Variants in CPNE8 observed in about 807,000 individuals in gnomAD.
The protein encoded by CPNE8 is copine-8.
A neutral mutation model predicts 81.5 loss-of-function variants in CPNE8; 45 were observed. The observed-to-expected ratio is 0.55, with a 90% CI of 0.44 to 0.71. The LOEUF (loss-of-function observed/expected upper bound fraction) is 0.71. Ranked by LOEUF, CPNE8 falls within the 30% of genes least tolerant of loss-of-function variation. The probability of loss-of-function intolerance (pLI) is 0.00; values close to 1 mark genes in which losing one functional copy is unlikely to be tolerated. For synonymous variants in CPNE8, 252 were observed against 226.3 expected (o/e 1.11, Z -1.02); for missense variants, 594 against 672.1 (o/e 0.88, Z 1.28).
chr12:38,844,164 T>C (rs765220326), intron 4 of CPNE8, among the ~76,000 whole-genome samples: 2 of 152,214 alleles, frequency 1.3e-5, no homozygotes, highest in Non-Finnish European at 2.9e-5. Context: ...TACCATTTTA[T>C]TTATCAAGAA....
chr12:38,884,154 C>T (rs1453651204), intron 1 of CPNE8, among the ~76,000 whole-genome samples: 1 of 152,132 alleles, frequency 6.6e-6, no homozygotes, highest in Non-Finnish European at 1.5e-5. Context: ...TTCCTCTCTC[C>T]TCCCACCAAA....
chr12:38,788,392 T>C (rs1245002240), intron 6 of CPNE8, among the ~76,000 whole-genome samples: 3 of 151,874 alleles, frequency 2.0e-5, no homozygotes, highest in Non-Finnish European at 4.4e-5. Flanking sequence ...GAAAAACCAT[T>C]TGATCAAATT....
At chr12:38,902,155 GAAGAA>G (rs1035046155) in intron 1 of CPNE8, among the ~76,000 whole-genome samples, 2 of 125,652 alleles carry the variant, frequency 1.6e-5, no homozygotes, top group Non-Finnish European at 3.4e-5. Flanking sequence ...GAAAGGAAAT[GAAGAA>G]AAGAAAAGGA....
At chr12:38,705,711 T>C (rs540347849) in intron 13 of CPNE8, among the ~76,000 whole-genome samples, 20 of 152,218 alleles carry the variant, frequency 1.3e-4, no homozygotes, top group Admixed American at 5.2e-4. Context: ...CTGTGATACA[T>C]GGCAGTAAGG....
At chr12:38,805,991 T>G (rs1942792130) in intron 6 of CPNE8, among the ~76,000 whole-genome samples, 1 of 150,098 alleles carries the variant, frequency 6.7e-6, no homozygotes, top group Non-Finnish European at 1.5e-5. Context: ...GCAAATAAAC[T>G]AGAAAATCTA....
intron 5 of CPNE8, among the ~76,000 whole-genome samples, chr12:38,831,259 C>T (rs1374337476): frequency 1.3e-5 from 2 of 152,096 alleles, no homozygotes; most frequent in African/African-American, 2.4e-5. Flanking sequence ...CCAGAGAGGG[C>T]CCTCATGACC....
intron 10 of CPNE8, among the ~76,000 whole-genome samples, chr12:38,746,369 T>C (rs1020409517): frequency 1.3e-5 from 2 of 152,220 alleles, no homozygotes; most frequent in African/African-American, 4.8e-5. Flanking sequence ...TGGAAAACTT[T>C]GTATATTTCT....
At chr12:38,820,372 T>C (rs1943094467) in intron 6 of CPNE8, among the ~76,000 whole-genome samples, 1 of 150,418 alleles carries the variant, frequency 6.6e-6, no homozygotes, top group Middle Eastern at 3.4e-3. Flanking sequence ...GCCACTCTAC[T>C]CCAGCCTGGG....
chr12:38,656,283 A>G (rs1435517995), intron 19 of CPNE8, among the ~76,000 whole-genome samples: 2 of 151,328 alleles, frequency 1.3e-5, no homozygotes, highest in Admixed American at 6.6e-5. Flanking sequence ...ACATTTAGTA[A>G]TGTTGGTATG....
intron 13 of CPNE8, among the ~76,000 whole-genome samples, chr12:38,715,116 A>G (rs1250328881): frequency 6.6e-6 from 1 of 152,114 alleles, no homozygotes; most frequent in East Asian, 1.9e-4. Context: ...AAAATTTTAA[A>G]TTGCAATTCA....
intron 18 of CPNE8, among the ~76,000 whole-genome samples, chr12:38,672,493 G>GA (rs1469833071): frequency 6.6e-6 from 1 of 152,126 alleles, no homozygotes; most frequent in African/African-American, 2.4e-5. Flanking sequence ...TGGAGATTAT[G>GA]AACCCCAGTC....
chr12:38,700,396 G>T (rs1277325683), intron 14 of CPNE8, among the ~76,000 whole-genome samples: 1 of 151,774 alleles, frequency 6.6e-6, no homozygotes, highest in African/African-American at 2.4e-5. Context: ...GTGACAACAC[G>T]CCTGGCTAAT....
At chr12:38,785,046 T>C (rs184745492) in intron 6 of CPNE8, among the ~76,000 whole-genome samples, 53 of 152,082 alleles carry the variant, frequency 3.5e-4, no homozygotes, top group Admixed American at 8.5e-4. Flanking sequence ...AATACAAAAA[T>C]TAGCTGGGTG....
chr12:38,681,223 T>A (rs1008335275), intron 16 of CPNE8, among the ~76,000 whole-genome samples: 4 of 152,066 alleles, frequency 2.6e-5, no homozygotes, highest in East Asian at 1.9e-4. Context: ...AAATTTTTTT[T>A]AAATGATAAG....
rs761386843 is a variant in CPNE8 at position 38,654,069 on chromosome 12, A to C, written c.1508T>G (p.Phe503Cys). The change falls in exon 20 of 20, where the codon TTT becomes TGT. Residue 503 changes from phenylalanine to cysteine, a missense_variant and splice_region_variant. Phe to Cys is a radical substitution (Grantham distance 205). Transcript: ENST00000331366. The part of the protein sequence containing the change: ...GKYAERDIVQ[F>C]VPFRDYIDRS... Reference sequence around the variant, plus strand: ...GTCAATATAATCCCTGAATGGCACAAACTAAAACAGAGACGAAAGAAAGTT... The same window carrying C: ...GTCAATATAATCCCTGAATGGCACACACTAAAACAGAGACGAAAGAAAGTT... 1 of 1,586,414 alleles carries C rather than the reference A, an allele frequency of 6.3e-7. No homozygotes were observed. The highest frequency in any genetic ancestry group is 8.6e-7 in the Non-Finnish European group (1 of 1,166,930).
chr12:38,762,832 G>A (rs1031044084), intron 8 of CPNE8, among the ~76,000 whole-genome samples: 3 of 152,148 alleles, frequency 2.0e-5, no homozygotes, highest in African/African-American at 7.2e-5. Context: ...TCTGATGCAT[G>A]AGAGAAAGGT....
At chr12:38,817,065 C>G (rs1243764873) in intron 6 of CPNE8, among the ~76,000 whole-genome samples, 1 of 152,188 alleles carries the variant, frequency 6.6e-6, no homozygotes, top group Admixed American at 6.5e-5. Context: ...TAATCTCTCC[C>G]CTTCCCTTTC....
At chr12:38,678,217 A>G (rs1409757584) in intron 16 of CPNE8, among the ~76,000 whole-genome samples, 1 of 152,056 alleles carries the variant, frequency 6.6e-6, no homozygotes, top group Non-Finnish European at 1.5e-5. Flanking sequence ...TCAAGTCTTA[A>G]TATATGTTAA....
intron 9 of CPNE8, 53 bp downstream of exon 9, chr12:38,762,059 G>C: frequency 2.2e-6 from 2 of 916,672 alleles, no homozygotes; most frequent in Admixed American, 3.0e-5. Flanking sequence ...TCAAATCACT[G>C]TAGATTTTTT....
Sources: gnomAD v4.1 joint callset for allele counts (sites outside exome capture counted in the v4.1 genomes callset) on GRCh38, gnomAD v4.1.1 for gene constraint, MANE v1.5 for transcripts, NCBI Gene and HGNC (gene_info 2026-07-23, HGNC 2026-07-21) for gene names.